Variants in PCDHA7 observed in about 807,000 individuals in gnomAD.
PCDHA7 encodes the protein protocadherin alpha 7, also known as protocadherin alpha-7.
A neutral mutation model predicts 57.2 loss-of-function variants in PCDHA7; 37 were observed. The ratio of observed to expected loss-of-function variants is 0.65; its 90% CI spans 0.50 to 0.85. The LOEUF is 0.85. PCDHA7 is among the 40% of genes least tolerant of loss of function. The pLI, the probability that PCDHA7 is intolerant of heterozygous loss-of-function variation, is 0.00. For missense variants in PCDHA7, 1,188 were observed against 1,241.8 expected (o/e 0.96, Z 0.65); for synonymous variants, 553 against 558.8 (o/e 0.99, Z 0.15).
At chr5:140,929,357 G>A (rs1554207016) in intron 1 of PCDHA7, 14 of 1,523,448 alleles carry the variant, frequency 9.2e-6, no homozygotes, top group Non-Finnish European at 1.2e-5. Flanking sequence ...TGATTCCTTT[G>A]GCCCGGAGAT....
chr5:140,881,837 A>G (rs1554172601), intron 1 of PCDHA7, among the ~76,000 whole-genome samples: 1 of 152,238 alleles, frequency 6.6e-6, no homozygotes, highest in Admixed American at 6.5e-5. Flanking sequence ...TTCTGCATGG[A>G]ATTCTTACAC....
intron 1 of PCDHA7, among the ~76,000 whole-genome samples, chr5:140,951,450 C>A: frequency 6.6e-6 from 1 of 151,922 alleles, no homozygotes; most frequent in East Asian, 1.9e-4. Flanking sequence ...ATGATGCCGG[C>A]CATCTGCTTG....
rs139745274 is a variant in PCDHA7, at chr5:140,994,788, C to T, written c.2503+12225C>T. On this transcript the variant is annotated intron_variant, in intron 3 of 3. Coordinates refer to ENST00000525929, the MANE Select transcript of PCDHA7 (RefSeq NM_018910.3). ...AGAATTCCAGGCAAAGGAAACAATG[C>T]GTGCATGCAAAAACAAAATACAAAA... Among the ~76,000 whole-genome samples, 132 of 152,194 alleles carry T rather than the reference C, an allele frequency of 8.7e-4. 2 individuals carry two copies. The East Asian group carries it at 0.024, about 28-fold the overall frequency.
intron 1 of PCDHA7, chr5:140,884,024 G>A: frequency 6.2e-7 from 1 of 1,613,318 alleles, no homozygotes; most frequent in Non-Finnish European, 8.5e-7. Flanking sequence ...GCGGTCGGTG[G>A]GTGCAGGCCA....
rs1554204719 is a variant in PCDHA7, at chr5:140,927,550, A to G, written c.2356-51399A>G. 4.3e-6 allele frequency: 7 copies of G among 1,614,020 alleles called. No homozygotes were observed. In the Admixed American group the frequency reaches 8.3e-5, roughly 19 times the overall value. ...TGCCCGCTCAGGAGACGCACAAGTC[A>G]CCATCATTGTGGTGGACACAAATGA... On this transcript the variant is annotated intron_variant, in intron 1 of 3. Coordinates refer to ENST00000525929, the MANE Select transcript of PCDHA7 (RefSeq NM_018910.3).
At position 140,848,602 on chromosome 5, in the gene PCDHA7, C is replaced by T. The variant is rs140949600; in HGVS notation, c.2355+11864C>T. 50 of 1,593,476 alleles carry T rather than the reference C, an allele frequency of 3.1e-5. 3 individuals carry two copies. The African/African-American group carries it at 6.1e-4, about 19-fold the overall frequency. On this transcript the variant is annotated intron_variant, in intron 1 of 3. Transcript: ENST00000525929. ...AGCGGCCAGCTCCACTACTCCGTCC[C>T]GGAGGAAGCCGAACACGGCACCTTC...
intron 1 of PCDHA7, chr5:140,843,204 C>A (rs199959178): frequency 6.3e-7 from 1 of 1,596,052 alleles, no homozygotes; most frequent in South Asian, 1.1e-5. Flanking sequence ...GGGCTGTACA[C>A]GGGCGAGATC....
intron 1 of PCDHA7, chr5:140,850,398 C>G: frequency 1.9e-6 from 3 of 1,597,938 alleles, no homozygotes; most frequent in Non-Finnish European, 1.7e-6. Context: ...CAGCACAACG[C>G]GTGCCCTGGA....
intron 3 of PCDHA7, among the ~76,000 whole-genome samples, chr5:141,002,946 G>A (rs2098104148): frequency 6.6e-6 from 1 of 152,180 alleles, no homozygotes; most frequent in African/African-American, 2.4e-5. Flanking sequence ...TCCAGCACAT[G>A]CCCCTCTGAG....
At chr5:140,998,850 A>G (rs904977478) in intron 3 of PCDHA7, among the ~76,000 whole-genome samples, 18 of 152,234 alleles carry the variant, frequency 1.2e-4, no homozygotes, top group Non-Finnish European at 2.1e-4. Context: ...GGTGTGAGCC[A>G]CATGCCTGGC....
chr5:140,950,426 ACT>A (rs1554219446), intron 1 of PCDHA7, among the ~76,000 whole-genome samples: 5 of 151,872 alleles, frequency 3.3e-5, no homozygotes, highest in African/African-American at 1.2e-4. Flanking sequence ...ATTTTCTTCC[ACT>A]TAAAAAAAAT....
rs2150249595 is a variant in PCDHA7 at position 140,835,988 on chromosome 5, G to A, written c.1605G>A (p.Val535=). ...HEELELLQFQ[V]SARDAGVPPL... Reference sequence around the variant, plus strand: ...AGCTGGAGCTGTTGCAGTTCCAGGTGAGCGCGCGCGATGCGGGCGTGCCGC... The same window carrying A: ...AGCTGGAGCTGTTGCAGTTCCAGGTAAGCGCGCGCGATGCGGGCGTGCCGC... Residue 535 remains valine, a synonymous_variant, in exon 1 of 4, where the codon GTG becomes GTA. Transcript: ENST00000525929. 6.1e-5 allele frequency: 99 copies of A among 1,613,224 alleles called. 1 individual carries two copies. The highest frequency in any genetic ancestry group is 7.6e-5 in the Non-Finnish European group (90 of 1,179,718).
At chr5:140,893,264 A>G (rs1554185566) in intron 1 of PCDHA7, among the ~76,000 whole-genome samples, 1 of 152,172 alleles carries the variant, frequency 6.6e-6, no homozygotes, top group East Asian at 1.9e-4. Flanking sequence ...ATAAATGCCC[A>G]ATAGTGGAAT....
In PCDHA7 at chr5:140,996,798, A is replaced by G. The variant is rs528740592; in HGVS notation, c.2504-12829A>G. Among the ~76,000 whole-genome samples, 4 of 152,268 alleles carry G rather than the reference A, an allele frequency of 2.6e-5. No individual in the cohort carries two copies. In the East Asian group the frequency reaches 5.8e-4, roughly 22 times the overall value. ...AGTAGTGCCTCACTCCCTACATCCA[A>G]TCATGCTTTCCAAAAGTAACCACTA... On this transcript the variant is annotated intron_variant, in intron 3 of 3. Coordinates refer to ENST00000525929, the MANE Select transcript of PCDHA7 (RefSeq NM_018910.3).
At position 140,848,735 on chromosome 5, in the gene PCDHA7, G is replaced by A. The variant is rs141612292; in HGVS notation, c.2355+11997G>A. On this transcript the variant is annotated intron_variant, in intron 1 of 3. Transcript: ENST00000525929. ...GGGACCTTCTGGAGGTAAATCTGCA[G>A]AATGGCATTTTGTTTGTGAATTCTC... 5.7e-6 allele frequency: 9 copies of A among 1,592,880 alleles called. No homozygotes were observed. In the African/African-American group the frequency reaches 1.1e-4, roughly 19 times the overall value.
intron 3 of PCDHA7, among the ~76,000 whole-genome samples, chr5:140,991,495 A>C (rs1331520722): frequency 6.6e-6 from 1 of 152,220 alleles, no homozygotes; most frequent in Non-Finnish European, 1.5e-5. Flanking sequence ...GTCCACAGTG[A>C]GTTTCACTGG....
chr5:140,849,258 G>A lies in PCDHA7; in HGVS notation c.2355+12520G>A, dbSNP rs2150433835. 190 of 1,110,896 alleles carry A rather than the reference G, an allele frequency of 1.7e-4. 6 individuals carry two copies. Among genetic ancestry groups the A allele is most frequent in the Admixed American group, 3.3e-4 (12 of 36,734 alleles). 68.8% of individuals were successfully genotyped at this position (1,110,896 alleles called of 1,614,324 possible). A position where few individuals can be genotyped will look rare whatever the true frequency, so the allele number is the denominator to read the frequency against. Reference sequence around the variant, plus strand: ...GTATACGGTGAAATTACCAGAAAACGTTTCTATCGGAACGCTGGTGATTCA... The same window carrying A: ...GTATACGGTGAAATTACCAGAAAACATTTCTATCGGAACGCTGGTGATTCA... On this transcript the variant is annotated intron_variant, in intron 1 of 3. Transcript: ENST00000525929.
At position 140,836,232 on chromosome 5, in the gene PCDHA7, G is replaced by A; in HGVS notation, c.1849G>A (p.Gly617Ser). The A allele has an allele frequency of 3.1e-6, 5 of 1,613,788 alleles. No individual in the cohort carries two copies. Among genetic ancestry groups the A allele is most frequent in the East Asian group, 2.2e-5 (1 of 44,856 alleles). ...GTATGAGTTGCAACCGGTGGCGGCC[G>A]GTGCGAGCATCCCGTTCCGCGTGGG... ...LSYELQPVAA[G>S]ASIPFRVGLY... is the part of the protein sequence containing the mutation. Residue 617 changes from glycine to serine, a missense_variant, in exon 1 of 4, where the codon GGT becomes AGT. Physicochemically the swap from Gly to Ser is moderately conservative, Grantham distance 56. Transcript: ENST00000525929.
intron 1 of PCDHA7, chr5:140,882,202 T>A: frequency 2.0e-6 from 3 of 1,529,778 alleles, no homozygotes; most frequent in Non-Finnish European, 2.6e-6. Context: ...AAATTGGGCC[T>A]TGAGAGACAG....
Sources: gnomAD v4.1 joint callset for allele counts (sites outside exome capture counted in the v4.1 genomes callset) on GRCh38, gnomAD v4.1.1 for gene constraint, MANE v1.5 for transcripts, NCBI Gene and HGNC (gene_info 2026-07-23, HGNC 2026-07-21) for gene names.